The following DUSP16 variants were observed in gnomAD, a reference collection of about 807,000 sequenced individuals.
DUSP16 encodes dual specificity phosphatase 16.
DUSP16 carries 21 observed loss-of-function variants against 58.3 expected under a neutral mutation model. That is an observed-to-expected ratio of 0.36 (90% CI 0.26 to 0.52). The LOEUF is 0.52. DUSP16 is among the 20% of genes least tolerant of loss of function. The probability of loss-of-function intolerance (pLI) is 0.94; values close to 1 mark genes in which losing one functional copy is unlikely to be tolerated. For synonymous variants in DUSP16, 320 were observed against 323.8 expected (o/e 0.99, Z 0.12); for missense variants, 726 against 819.0 (o/e 0.89, Z 1.39).
chr12:12,533,342 C>T (rs1944418640), intron 1 of DUSP16, among the ~76,000 whole-genome samples: 1 of 152,184 alleles, frequency 6.6e-6, no homozygotes, highest in Non-Finnish European at 1.5e-5. Flanking sequence ...GTGCAAATTC[C>T]TCTAACAAAG....
At chr12:12,523,610 A>G (rs762337570) in intron 1 of DUSP16, among the ~76,000 whole-genome samples, 3 of 152,226 alleles carry the variant, frequency 2.0e-5, no homozygotes, top group Non-Finnish European at 2.9e-5. Flanking sequence ...CTTTATGGTA[A>G]TGAAGTACAA....
chr12:12,495,774 C>G (rs1199025637), intron 4 of DUSP16, among the ~76,000 whole-genome samples: 1 of 152,130 alleles, frequency 6.6e-6, no homozygotes, highest in Non-Finnish European at 1.5e-5. Flanking sequence ...ACTAATTTTG[C>G]ATTTGCCCAT....
intron 3 of DUSP16, among the ~76,000 whole-genome samples, chr12:12,502,368 C>G (rs1332529877): frequency 6.6e-6 from 1 of 152,122 alleles, no homozygotes; most frequent in African/African-American, 2.4e-5. Context: ...AGTGGCCTGG[C>G]CTCCAACCTG....
intron 1 of DUSP16, among the ~76,000 whole-genome samples, chr12:12,557,451 G>A (rs1199899825): frequency 2.2e-5 from 3 of 138,026 alleles, no homozygotes; most frequent in Admixed American, 7.5e-5. Context: ...GCAAGACTCC[G>A]TCTCAAAAAA....
intron 1 of DUSP16, among the ~76,000 whole-genome samples, chr12:12,533,468 C>A (rs183027815): frequency 6.6e-6 from 1 of 152,286 alleles, no homozygotes; most frequent in African/African-American, 2.4e-5. Flanking sequence ...CAAGGCCCTG[C>A]GGCTAAAAAT....
intron 3 of DUSP16, among the ~76,000 whole-genome samples, chr12:12,509,871 C>A (rs2136222005): frequency 6.6e-6 from 1 of 152,240 alleles, no homozygotes; most frequent in South Asian, 2.1e-4. Context: ...GGCACAAAAT[C>A]TGCTTCCTAT....
chr12:12,555,496 G>C (rs952450855), intron 1 of DUSP16, among the ~76,000 whole-genome samples: 1 of 152,168 alleles, frequency 6.6e-6, no homozygotes, highest in African/African-American at 2.4e-5. Flanking sequence ...AACGCACACT[G>C]TAAGTAGCAT....
chr12:12,474,301 GCA>G lies in DUSP16; in HGVS notation c.*2530_*2531del, dbSNP rs1159561176. On this transcript the variant is annotated 3_prime_UTR_variant, in exon 7 of 7. Transcript: ENST00000298573. ...TACATGACACATCAAAATGAGAAATGCACAGTTTAACCGTTCAACAGCTGGCC... is the reference window on the plus strand; with the variant it reads ...TACATGACACATCAAAATGAGAAATGCAGTTTAACCGTTCAACAGCTGGCC... The G allele has an allele frequency of 1.2e-4, 18 of 152,148 alleles. No homozygotes were observed. The highest frequency in any genetic ancestry group is 2.7e-4 in the African/African-American group (11 of 41,438). 9.4% of individuals were successfully genotyped at this position (152,148 alleles called of 1,614,324 possible).
chr12:12,519,725 A>T, intron 3 of DUSP16, 137 bp downstream of exon 3: 1 of 842,570 alleles, frequency 1.2e-6, no homozygotes, highest in Non-Finnish European at 1.8e-6. Context: ...GAACGGTGAC[A>T]TCAATCAAAA....
At chr12:12,493,237 T>C (rs1179944700) in intron 4 of DUSP16, among the ~76,000 whole-genome samples, 1 of 152,170 alleles carries the variant, frequency 6.6e-6, no homozygotes, top group African/African-American at 2.4e-5. Context: ...TCTCAGTTAA[T>C]GGCAACTGCA....
chr12:12,560,455 T>G (rs889974566), intron 1 of DUSP16, among the ~76,000 whole-genome samples: 2 of 152,214 alleles, frequency 1.3e-5, no homozygotes, highest in African/African-American at 4.8e-5. Flanking sequence ...TATTTTTACA[T>G]AAGACTGTAA....
At chr12:12,497,668 A>T (rs1177537494) in intron 4 of DUSP16, among the ~76,000 whole-genome samples, 7 of 70,974 alleles carry the variant, frequency 9.9e-5, no homozygotes, top group African/African-American at 2.3e-4. Context: ...CACTTCATTT[A>T]AAAAAAAAAA....
rs768507720 is a variant in DUSP16 at position 12,475,341 on chromosome 12, C to G, written c.*1492G>C. 1 of 152,068 alleles carries G rather than the reference C, an allele frequency of 6.6e-6. No homozygotes were observed. Among genetic ancestry groups the G allele is most frequent in the African/African-American group, 2.4e-5 (1 of 41,382 alleles). The allele number at this position is 152,068 out of a possible 1,614,324, so 9.4% of individuals were successfully genotyped here. On this transcript the variant is annotated 3_prime_UTR_variant, in exon 7 of 7. Transcript: ENST00000298573. ...GTTTGAAAGCCAATCTGCACTATCACTTGTTCCAGTGACCTCCTATGTTCA... is the reference window on the plus strand; with the variant it reads ...GTTTGAAAGCCAATCTGCACTATCAGTTGTTCCAGTGACCTCCTATGTTCA...
intron 1 of DUSP16, among the ~76,000 whole-genome samples, chr12:12,543,096 G>T (rs1440141263): frequency 6.6e-6 from 1 of 152,132 alleles, no homozygotes; most frequent in Admixed American, 6.5e-5. Flanking sequence ...AAGCTACCCA[G>T]TCTAAGGTTG....
chr12:12,481,091 C>T (rs1943555830), intron 5 of DUSP16, among the ~76,000 whole-genome samples: 1 of 152,066 alleles, frequency 6.6e-6, no homozygotes, highest in South Asian at 2.1e-4. Flanking sequence ...AGAAGAAAAC[C>T]TTGTATAGGC....
intron 1 of DUSP16, among the ~76,000 whole-genome samples, chr12:12,541,320 TCTTCC>T (rs960481718): frequency 2.0e-5 from 3 of 152,142 alleles, no homozygotes; most frequent in African/African-American, 7.2e-5. Context: ...AGACAATTCA[TCTTCC>T]CTTCAACCCC....
At chr12:12,506,114 A>G (rs2136218442) in intron 3 of DUSP16, 1 of 151,958 alleles carries the variant, frequency 6.6e-6, no homozygotes, top group East Asian at 1.9e-4. Flanking sequence ...CACTCTAGTG[A>G]CTCCAGTTTC....
At chr12:12,480,412 CATTT>C in intron 5 of DUSP16, 66 bp from the exon 6 acceptor site, 6 of 1,571,700 alleles carry the variant, frequency 3.8e-6, no homozygotes, top group South Asian at 3.5e-5. Context: ...ATCTTGTTTC[CATTT>C]ACTTACTCAG....
At chr12:12,542,410 GA>G (rs1214727448) in intron 1 of DUSP16, among the ~76,000 whole-genome samples, 1 of 109,378 alleles carries the variant, frequency 9.1e-6, no homozygotes, top group Non-Finnish European at 2.0e-5. Flanking sequence ...AAAAAAAAAA[GA>G]AATACCCAGA....
Sources: allele counts gnomAD v4.1 joint callset (sites outside exome capture counted in the v4.1 genomes callset), GRCh38; gene constraint gnomAD v4.1.1; transcripts MANE v1.5; gene names NCBI Gene and HGNC (gene_info 2026-07-23, HGNC 2026-07-21).